The following MED1 variants were observed in gnomAD, a reference collection of about 807,000 sequenced individuals.
MED1 encodes mediator of RNA polymerase II transcription subunit 1.
A neutral mutation model predicts 121.3 loss-of-function variants in MED1; 17 were observed. The observed-to-expected ratio is 0.14, with a 90% CI of 0.10 to 0.21. MED1 has a LOEUF of 0.21. MED1 is among the 10% of genes least tolerant of loss of function. The pLI, the probability that MED1 is intolerant of heterozygous loss-of-function variation, is 1.00. For synonymous variants in MED1, 661 were observed against 694.4 expected (o/e 0.95, Z 0.76); for missense variants, 1,558 against 1,919.4 (o/e 0.81, Z 3.52).
chr17:39,416,733 C>G (rs954174608), intron 14 of MED1, among the ~76,000 whole-genome samples: 3 of 152,114 alleles, frequency 2.0e-5, no homozygotes, highest in Non-Finnish European at 4.4e-5. Context: ...TGCCTGTAAT[C>G]CCAACACTTT....
intron 6 of MED1, among the ~76,000 whole-genome samples, chr17:39,438,829 G>C (rs1263847432): frequency 1.3e-5 from 2 of 152,100 alleles, no homozygotes; most frequent in Non-Finnish European, 2.9e-5. Flanking sequence ...CACACATGCA[G>C]TCCCAGCCGC....
chr17:39,414,047 T>G (rs1446208548), intron 16 of MED1, among the ~76,000 whole-genome samples: 5 of 150,358 alleles, frequency 3.3e-5, no homozygotes, highest in Non-Finnish European at 7.4e-5. Flanking sequence ...GCCAACATGG[T>G]GAAACCCCGT....
chr17:39,405,302 C>A lies in MED1; in HGVS notation c.*2173G>T. The A allele has an allele frequency of 6.2e-7, 1 of 1,604,840 alleles. No homozygotes were observed. Among genetic ancestry groups the A allele is most frequent in the Non-Finnish European group, 8.5e-7 (1 of 1,176,246 alleles). On this transcript the variant is annotated 3_prime_UTR_variant, in exon 17 of 17. Coordinates refer to ENST00000300651, the MANE Select transcript of MED1 (RefSeq NM_004774.4). ...TTCATCCAGATCCTAACTCGGGATT[C>A]TTTGATCTGGGATGAAGACAGAAAG...
At chr17:39,441,445 T>C (rs1004713713) in intron 3 of MED1, among the ~76,000 whole-genome samples, 2 of 152,148 alleles carry the variant, frequency 1.3e-5, no homozygotes, top group African/African-American at 4.8e-5. Context: ...AAGAAAATGG[T>C]AAATTTTGTT....
At chr17:39,436,369 GA>G (rs10712248) in intron 6 of MED1, among the ~76,000 whole-genome samples, 69,075 of 116,046 alleles carry the variant, frequency 0.6, 18,363 homozygotes, top group South Asian at 0.78. Context: ...TCAAAAAAAA[GA>G]AAAAAAAAAA....
intron 2 of MED1, 24 bp downstream of exon 2, chr17:39,447,774 T>C (rs1352694329): frequency 1.3e-6 from 2 of 1,529,620 alleles, no homozygotes; most frequent in Admixed American, 1.7e-5. Context: ...CAAAACACTT[T>C]ACCCACTTCA....
chr17:39,443,226 T>C (rs1012250209), intron 3 of MED1, among the ~76,000 whole-genome samples: 1 of 151,620 alleles, frequency 6.6e-6, no homozygotes, highest in African/African-American at 2.4e-5. Flanking sequence ...GGTCTCAAAC[T>C]CCTGACCTTG....
rs1381854489 is a variant in MED1, at chr17:39,451,174, T to A, written c.-112A>T. ...CGGGACGCAGGGCACCAGCAGTCCCTACTCTTCCCGGGAAGGATCAATCTG... is the reference window on the plus strand; with the variant it reads ...CGGGACGCAGGGCACCAGCAGTCCCAACTCTTCCCGGGAAGGATCAATCTG... On this transcript the variant is annotated 5_prime_UTR_variant, in exon 1 of 17. Transcript: ENST00000300651. The A allele has an allele frequency of 3.3e-6, 4 of 1,223,870 alleles. No individual in the cohort carries two copies. The highest frequency in any genetic ancestry group is 5.0e-5 in the East Asian group (2 of 40,154). The allele number at this position is 1,223,870 out of a possible 1,614,324, so 75.8% of individuals were successfully genotyped here. A position where few individuals can be genotyped will look rare whatever the true frequency, so the allele number is the denominator to read the frequency against.
intron 8 of MED1, among the ~76,000 whole-genome samples, chr17:39,431,521 C>G (rs1202593780): frequency 6.6e-6 from 1 of 152,070 alleles, no homozygotes; most frequent in South Asian, 2.1e-4. Flanking sequence ...TCAGGTGATC[C>G]GCCCGCCTCG....
chr17:39,431,792 T>C, intron 8 of MED1, 150 bp downstream of exon 8: 1 of 571,046 alleles, frequency 1.8e-6, no homozygotes, highest in Non-Finnish European at 3.1e-6. Flanking sequence ...TTAGCGATAC[T>C]GATACTCAGA....
intron 7 of MED1, among the ~76,000 whole-genome samples, chr17:39,433,302 G>A (rs1041360621): frequency 6.6e-6 from 1 of 151,758 alleles, no homozygotes; most frequent in Non-Finnish European, 1.5e-5. Flanking sequence ...CCGGGAGGTG[G>A]AGGCTGCAGT....
intron 16 of MED1, 28 bp downstream of exon 16, chr17:39,414,998 G>A: frequency 6.3e-7 from 1 of 1,586,404 alleles, no homozygotes; most frequent in Non-Finnish European, 8.7e-7. Flanking sequence ...CTCTAAATGG[G>A]ACTCAGATGA....
At chr17:39,412,636 T>A (rs1224424466) in intron 16 of MED1, among the ~76,000 whole-genome samples, 2 of 150,942 alleles carry the variant, frequency 1.3e-5, no homozygotes, top group African/African-American at 4.9e-5. Context: ...CCTCCCAGGT[T>A]CAAGCAATTC....
chr17:39,409,119 A>G lies in MED1; in HGVS notation c.3102T>C (p.Pro1034=). ...HSSSNRPFTP[P]TSTGGSKSPG... ...GCGATTTAGATCCACCTGTACTGGT[A>G]GGTGGGGTAAAAGGTCTGTTAGAAG... Residue 1034 remains proline, a synonymous_variant, in exon 17 of 17, where the codon CCT becomes CCC. Transcript: ENST00000300651. The G allele has an allele frequency of 6.2e-7, 1 of 1,614,184 alleles. No homozygotes were observed. The highest frequency in any genetic ancestry group is 8.5e-7 in the Non-Finnish European group (1 of 1,180,050).
At position 39,440,756 on chromosome 17, in the gene MED1, A is replaced by C; in HGVS notation, c.212-79T>G. ...ATATTCTTTTAAGACAGAAAGATTC[A>C]TCCTTCCAAAACCGTAAACATATTC... On this transcript the variant is annotated intron_variant, in intron 3 of 16. Coordinates refer to ENST00000300651, the MANE Select transcript of MED1 (RefSeq NM_004774.4). The surrounding 1 kb of genome is among the most constrained non-coding windows in gnomAD (Gnocchi z 4.1). 3 of 1,350,150 alleles carry C rather than the reference A, an allele frequency of 2.2e-6. No individual in the cohort carries two copies. The highest frequency in any genetic ancestry group is 3.1e-6 in the Non-Finnish European group (3 of 960,140). 83.6% of individuals were successfully genotyped at this position (1,350,150 alleles called of 1,614,324 possible). A position where few individuals can be genotyped will look rare whatever the true frequency, so the allele number is the denominator to read the frequency against.
In MED1 at chr17:39,405,642, G is replaced by T; in HGVS notation, c.*1833C>A. 1 of 1,059,894 alleles carries T rather than the reference G, an allele frequency of 9.4e-7. No individual in the cohort carries two copies. Among genetic ancestry groups the T allele is most frequent in the Non-Finnish European group, 1.1e-6 (1 of 877,860 alleles). The allele number at this position is 1,059,894 out of a possible 1,614,324, so 65.7% of individuals were successfully genotyped here. Reference sequence around the variant, plus strand: ...GTCACCCAAGACATTTGACTCTGATGTGGTTAATTGATAACTTTTCTTGCT... The same window carrying T: ...GTCACCCAAGACATTTGACTCTGATTTGGTTAATTGATAACTTTTCTTGCT... On this transcript the variant is annotated 3_prime_UTR_variant, in exon 17 of 17. Coordinates refer to ENST00000300651, the MANE Select transcript of MED1 (RefSeq NM_004774.4).
In MED1 at chr17:39,409,804, G is replaced by A. The variant is rs762712741; in HGVS notation, c.2417C>T (p.Pro806Leu). ...TSDDCPAIGT[P>L]LRDSSSSGHS... ...CCCAGAGCTTGAAGAATCTCGAAGA[G>A]GGGTGCCAATGGCTGGGCAATCATC... The change falls in exon 17 of 17, where the codon CCT (proline) becomes CTT (leucine). Residue 806 changes from proline (P) to leucine (L), a missense_variant. Physicochemically the swap from Pro to Leu is moderately conservative, Grantham distance 98. Coordinates refer to ENST00000300651, the MANE Select transcript of MED1 (RefSeq NM_004774.4). The A allele has an allele frequency of 6.2e-7, 1 of 1,614,184 alleles. No homozygotes were observed. Among genetic ancestry groups the A allele is most frequent in the Non-Finnish European group, 8.5e-7 (1 of 1,180,032 alleles).
rs2048307582 is a variant in MED1 at position 39,406,863 on chromosome 17, CAGAT to C, written c.*608_*611del. 6.1e-6 allele frequency: 6 copies of C among 985,438 alleles called. No homozygotes were observed. The highest frequency in any genetic ancestry group is 7.2e-6 in the Non-Finnish European group (6 of 829,894). The allele number at this position is 985,438 out of a possible 1,614,324, so 61.0% of individuals were successfully genotyped here. A position where few individuals can be genotyped will look rare whatever the true frequency, so the allele number is the denominator to read the frequency against. Reference sequence around the variant, plus strand: ...GAACGAAACACTGTATAAAAACAAACAGATAAAGGGTTAAAATATTACAAATAAA... The same window carrying C: ...GAACGAAACACTGTATAAAAACAAACAAAGGGTTAAAATATTACAAATAAA... On this transcript the variant is annotated 3_prime_UTR_variant, in exon 17 of 17. Transcript: ENST00000300651.
At chr17:39,414,904 G>A (rs547447676) in intron 16 of MED1, 122 bp downstream of exon 16, 9 of 795,020 alleles carry the variant, frequency 1.1e-5, no homozygotes, top group Admixed American at 3.8e-5. Flanking sequence ...TTCTGACCTC[G>A]TGATCCGCCT....
Sources: allele counts gnomAD v4.1 joint callset (sites outside exome capture counted in the v4.1 genomes callset), GRCh38; gene constraint gnomAD v4.1.1; non-coding constraint Gnocchi (gnomAD v3.1); transcripts MANE v1.5; gene names NCBI Gene and HGNC (gene_info 2026-07-23, HGNC 2026-07-21).